PCDHAC1: variants seen among roughly 807,000 people sequenced by gnomAD.
The protein encoded by PCDHAC1 is protocadherin alpha-C1.
In PCDHAC1, 42 loss-of-function variants were observed where a neutral mutation model predicts 60.0. The observed-to-expected ratio is 0.70, with a 90% CI of 0.55 to 0.90. The LOEUF (loss-of-function observed/expected upper bound fraction) is 0.90. Among genes scored for constraint, PCDHAC1 ranks in the 40% least tolerant of loss-of-function variants. The pLI, the probability that PCDHAC1 is intolerant of heterozygous loss-of-function variation, is 0.00. For missense variants in PCDHAC1, 1,160 were observed against 1,222.3 expected, an observed-to-expected ratio of 0.95 and a Z score of 0.76; for synonymous variants, 468 against 499.3, an observed-to-expected ratio of 0.94 and a Z score of 0.84.
chr5:140,972,316 GT>G (rs112435719), intron 1 of PCDHAC1, among the ~76,000 whole-genome samples: 1,932 of 139,568 alleles, frequency 0.014, 18 homozygotes, highest in African/African-American at 0.036. Context: ...GTTTTTAGGT[GT>G]TTTTTTTTTT....
At chr5:140,977,559 A>G (rs1383080307) in intron 1 of PCDHAC1, among the ~76,000 whole-genome samples, 2 of 152,204 alleles carry the variant, frequency 1.3e-5, no homozygotes. Context: ...ATATCTTGCT[A>G]GCAGATTGGT....
rs565441433 is a variant in PCDHAC1, at chr5:141,011,340, A to G, written c.*1403A>G. 6.5e-6 allele frequency: 1 copy of G among 153,828 alleles called. No homozygotes were observed. Among genetic ancestry groups the G allele is most frequent in the African/African-American group, 2.4e-5 (1 of 41,570 alleles). 9.5% of individuals were successfully genotyped at this position (153,828 alleles called of 1,614,324 possible). On this transcript the variant is annotated 3_prime_UTR_variant, in exon 4 of 4. Transcript: ENST00000253807. Reference sequence around the variant, plus strand: ...ACTAACACCTATGATGTTACCTGAAATCAATCTCCCATATGTATGCTGTAT... The same window carrying G: ...ACTAACACCTATGATGTTACCTGAAGTCAATCTCCCATATGTATGCTGTAT...
At chr5:140,990,025 T>C (rs2097371572) in intron 3 of PCDHAC1, among the ~76,000 whole-genome samples, 1 of 151,914 alleles carries the variant, frequency 6.6e-6, no homozygotes, top group African/African-American at 2.4e-5. Flanking sequence ...AGGCAAAGGA[T>C]GGGAGAAGTC....
At chr5:140,950,043 A>T (rs1011500100) in intron 1 of PCDHAC1, among the ~76,000 whole-genome samples, 1 of 151,950 alleles carries the variant, frequency 6.6e-6, no homozygotes, top group Non-Finnish European at 1.5e-5. Flanking sequence ...TTACAACCAT[A>T]TAAGACTATT....
At chr5:140,938,536 G>T (rs1443736475) in intron 1 of PCDHAC1, among the ~76,000 whole-genome samples, 2 of 140,060 alleles carry the variant, frequency 1.4e-5, no homozygotes, top group Non-Finnish European at 3.2e-5. Context: ...TGGATAATAT[G>T]GATTTTTATC....
intron 3 of PCDHAC1, among the ~76,000 whole-genome samples, chr5:140,995,791 T>C (rs547359105): frequency 1.3e-5 from 2 of 152,266 alleles, no homozygotes; most frequent in South Asian, 4.1e-4. Context: ...TTAAAATTTG[T>C]CTCATGTTAG....
intron 3 of PCDHAC1, among the ~76,000 whole-genome samples, chr5:141,003,398 G>A (rs1282074480): frequency 1.3e-5 from 2 of 152,114 alleles, no homozygotes; most frequent in African/African-American, 4.8e-5. Flanking sequence ...TGAAACCTCC[G>A]CCTCCCGGGT....
intron 2 of PCDHAC1, among the ~76,000 whole-genome samples, chr5:140,981,379 G>A (rs1387904235): frequency 1.3e-5 from 2 of 152,152 alleles, no homozygotes; most frequent in Admixed American, 1.3e-4. Flanking sequence ...TTCAAGACCA[G>A]CCTGGTCAAT....
intron 1 of PCDHAC1, among the ~76,000 whole-genome samples, chr5:140,973,273 C>T (rs1180418925): frequency 6.6e-6 from 1 of 152,150 alleles, no homozygotes; most frequent in Non-Finnish European, 1.5e-5. Context: ...ACTTTTATTT[C>T]CCCCAGCACT....
At chr5:140,986,398 G>C (rs973049448) in intron 3 of PCDHAC1, among the ~76,000 whole-genome samples, 1 of 152,174 alleles carries the variant, frequency 6.6e-6, no homozygotes, top group Non-Finnish European at 1.5e-5. Context: ...AGGGCCAGTC[G>C]CTCATGTTAC....
Position 140,928,935 on chromosome 5 carries a change from C to G in PCDHAC1, c.2043C>G (p.Asn681Lys), listed in dbSNP as rs782430427. The change falls in exon 1 of 4, where the codon AAC (asparagine) becomes AAG (lysine). Residue 681 changes from asparagine to lysine, a missense_variant. Asn to Lys is a moderately conservative substitution (Grantham distance 94, BLOSUM62 0). Transcript: ENST00000253807. ...CAGGAGGGCAGCTTTCTGCCCAGAA[C>G]TTGTATTTAGTAATTGCCTTGGCTT... ...WEPGGQLSAQ[N>K]LYLVIALACI... The G allele has an allele frequency of 2.5e-6, 4 of 1,613,984 alleles. No individual in the cohort carries two copies. The East Asian group carries it at 8.9e-5, about 36-fold the overall frequency.
chr5:140,945,709 G>T (rs1033770128), intron 1 of PCDHAC1, among the ~76,000 whole-genome samples: 1 of 151,930 alleles, frequency 6.6e-6, no homozygotes. Flanking sequence ...TGCAACAAAA[G>T]TATCAAGAAT....
chr5:141,008,286 A>G (rs944894226), intron 3 of PCDHAC1, among the ~76,000 whole-genome samples: 1 of 152,248 alleles, frequency 6.6e-6, no homozygotes, highest in Admixed American at 6.5e-5. Flanking sequence ...TTGAAATAGC[A>G]GTTGTACCCA....
chr5:140,985,841 G>A (rs2097174040), intron 3 of PCDHAC1, among the ~76,000 whole-genome samples: 1 of 145,238 alleles, frequency 6.9e-6, no homozygotes, highest in Admixed American at 7.3e-5. Context: ...CCGGGTTCAT[G>A]CCACTCTCCT....
chr5:140,948,461 A>G (rs2094256529), intron 1 of PCDHAC1, among the ~76,000 whole-genome samples: 1 of 151,516 alleles, frequency 6.6e-6, no homozygotes, highest in Admixed American at 6.6e-5. Flanking sequence ...TCTTTTAGGG[A>G]AAGTTTCTGA....
intron 3 of PCDHAC1, among the ~76,000 whole-genome samples, chr5:140,994,044 G>C (rs782758789): frequency 9.9e-5 from 15 of 152,240 alleles, no homozygotes; most frequent in Middle Eastern, 3.4e-3. Flanking sequence ...ATATAACACA[G>C]TCCTGCCCTT....
chr5:140,970,814 C>T (rs1175939096), intron 1 of PCDHAC1, among the ~76,000 whole-genome samples: 1 of 152,068 alleles, frequency 6.6e-6, no homozygotes, highest in Non-Finnish European at 1.5e-5. Flanking sequence ...ATTTCAAGTT[C>T]ATGGTAATCT....
chr5:140,966,818 C>G (rs1376177382), intron 1 of PCDHAC1: 1 of 1,554,298 alleles, frequency 6.4e-7, no homozygotes, highest in Admixed American at 1.9e-5. Context: ...ACGGCTCCGG[C>G]GGCCCATGCC....
At position 140,966,247 on chromosome 5, in the gene PCDHAC1, A is replaced by G. The variant is rs145363912; in HGVS notation, c.2434-12702A>G. 739 of 318,152 alleles carry G rather than the reference A, an allele frequency of 2.3e-3. 16 individuals are homozygous for G. In the Admixed American group the frequency reaches 0.033, roughly 14 times the overall value. 19.7% of individuals were successfully genotyped at this position (318,152 alleles called of 1,614,324 possible). On this transcript the variant is annotated intron_variant, in intron 1 of 3. Coordinates refer to ENST00000253807, the MANE Select transcript of PCDHAC1 (RefSeq NM_018898.5). ...TCCTTAAAGACCCGTTAAGCAGGGGAGAGACGGTGGAGACTGGATGAACTG... is the reference window on the plus strand; with the variant it reads ...TCCTTAAAGACCCGTTAAGCAGGGGGGAGACGGTGGAGACTGGATGAACTG...
Sources: allele counts gnomAD v4.1 joint callset (sites outside exome capture counted in the v4.1 genomes callset), GRCh38; gene constraint gnomAD v4.1.1; transcripts MANE v1.5; gene names NCBI Gene and HGNC (gene_info 2026-07-23, HGNC 2026-07-21).